The following SGCG variants were observed in gnomAD, a reference collection of about 807,000 sequenced individuals.
SGCG encodes the protein sarcoglycan gamma.
A neutral mutation model predicts 29.3 loss-of-function variants in SGCG; 26 were observed. That is an observed-to-expected ratio of 0.89 (90% CI 0.65 to 1.23). SGCG has a LOEUF of 1.23. SGCG is among the 50% of genes most tolerant of loss of function. SGCG has a pLI of 0.00. For synonymous variants in SGCG, 145 were observed against 129.7 expected, an observed-to-expected ratio of 1.12 and a Z score of -0.80; for missense variants, 353 against 356.0, an observed-to-expected ratio of 0.99 and a Z score of 0.07.
chr13:23,256,414 A>G (rs951121161), intron 4 of SGCG, among the ~76,000 whole-genome samples: 1 of 152,214 alleles, frequency 6.6e-6, no homozygotes, highest in South Asian at 2.1e-4. Context: ...TTTCTAGGGT[A>G]CATGTGCAAA....
At chr13:23,195,567 G>A (rs1877462674) in intron 1 of SGCG, among the ~76,000 whole-genome samples, 1 of 151,788 alleles carries the variant, frequency 6.6e-6, no homozygotes, top group African/African-American at 2.4e-5. Context: ...TATTCTGTTG[G>A]TTTGGTGTAT....
At chr13:23,258,485 A>G (rs1051532281) in intron 4 of SGCG, among the ~76,000 whole-genome samples, 47 of 152,298 alleles carry the variant, frequency 3.1e-4, no homozygotes, top group Non-Finnish European at 5.9e-4. Flanking sequence ...CAATCATGTC[A>G]TCTGCAAATA....
At chr13:23,282,280 ACT>A (rs1422566164) in intron 5 of SGCG, among the ~76,000 whole-genome samples, 2 of 152,116 alleles carry the variant, frequency 1.3e-5, no homozygotes, top group Non-Finnish European at 2.9e-5. Context: ...CCAAGGTCTG[ACT>A]CTCTAAACAT....
intron 6 of SGCG, among the ~76,000 whole-genome samples, chr13:23,305,568 G>C (rs1882333983): frequency 6.6e-6 from 1 of 152,204 alleles, no homozygotes; most frequent in Non-Finnish European, 1.5e-5. Flanking sequence ...ATGTGAGAAA[G>C]AAATGGAGAT....
chr13:23,322,939 A>G (rs996561725), intron 7 of SGCG, among the ~76,000 whole-genome samples: 1 of 152,096 alleles, frequency 6.6e-6, no homozygotes, highest in Non-Finnish European at 1.5e-5. Context: ...CAAATAGGGA[A>G]TATAATATTT....
rs1394135402 is a variant in SGCG, at chr13:23,181,080, G to A, written c.-1+5G>A. ...GTGCTTTTCTTAATATCTAAGGTAA[G>A]TGCTCAGTTTTAACTTAGATTTTAT... On this transcript the variant is annotated splice_donor_5th_base_variant and intron_variant, in intron 1 of 7. Transcript: ENST00000218867. 1.3e-5 allele frequency: 2 copies of A among 152,136 alleles called. No individual in the cohort carries two copies. The highest frequency in any genetic ancestry group is 2.9e-5 in the Non-Finnish European group (2 of 68,028). 9.4% of individuals were successfully genotyped at this position (152,136 alleles called of 1,614,324 possible).
chr13:23,220,742 C>T (rs4238163), intron 2 of SGCG, among the ~76,000 whole-genome samples: 117,030 of 151,778 alleles, frequency 0.77, 45,299 homozygotes, highest in East Asian at 0.92. Context: ...GTCCAGTCTT[C>T]TGAATGATTC....
At chr13:23,185,882 G>A (rs1277320877) in intron 1 of SGCG, among the ~76,000 whole-genome samples, 1 of 152,214 alleles carries the variant, frequency 6.6e-6, no homozygotes, top group Non-Finnish European at 1.5e-5. Flanking sequence ...TCTGAAGGGT[G>A]ATGGGCGTGA....
intron 4 of SGCG, among the ~76,000 whole-genome samples, chr13:23,254,192 CAG>C (rs368391995): frequency 5.1e-4 from 77 of 152,228 alleles, no homozygotes; most frequent in African/African-American, 1.8e-3. Context: ...AGGAAGATGA[CAG>C]AAAGTTTGGG....
intron 3 of SGCG, 70 bp downstream of exon 3, chr13:23,234,782 G>C: frequency 9.6e-7 from 1 of 1,040,818 alleles, no homozygotes; most frequent in Non-Finnish European, 1.5e-6. Context: ...CAAAAATTCA[G>C]TACAGTTTAG....
intron 4 of SGCG, among the ~76,000 whole-genome samples, chr13:23,270,308 G>A (rs574351649): frequency 3.3e-5 from 5 of 152,254 alleles, no homozygotes; most frequent in Non-Finnish European, 5.9e-5. Context: ...TCCCAGCGGC[G>A]GTGTAGGAGA....
At chr13:23,286,015 A>T (rs1321130455) in intron 5 of SGCG, among the ~76,000 whole-genome samples, 2 of 152,184 alleles carry the variant, frequency 1.3e-5, no homozygotes, top group Non-Finnish European at 2.9e-5. Context: ...CTTCTGCATT[A>T]ATCTCGCTGG....
At chr13:23,269,223 T>C (rs908606482) in intron 4 of SGCG, 7 of 152,310 alleles carry the variant, frequency 4.6e-5, no homozygotes, top group Admixed American at 2.0e-4. Flanking sequence ...TATTAGTCAA[T>C]AGTCAATCCA....
At chr13:23,203,227 G>A (rs1877837830) in intron 1 of SGCG, among the ~76,000 whole-genome samples, 1 of 152,170 alleles carries the variant, frequency 6.6e-6, no homozygotes, top group South Asian at 2.1e-4. Flanking sequence ...CCAAAGTGCT[G>A]GAATTACAGG....
At chr13:23,318,118 C>T (rs1882893794) in intron 6 of SGCG, among the ~76,000 whole-genome samples, 1 of 152,186 alleles carries the variant, frequency 6.6e-6, no homozygotes, top group Non-Finnish European at 1.5e-5. Context: ...GCTCCTTAAG[C>T]TTTCAGACAG....
rs141669762 is a variant in SGCG at position 23,279,595 on chromosome 13, GTTGCATTTTCTCCA to G, written c.505+126_505+139del. 0.09 allele frequency: 93,349 copies of G among 1,041,774 alleles called. 4,676 individuals carry two copies. Among genetic ancestry groups the G allele is most frequent in the Admixed American group, 0.12 (6,092 of 49,614 alleles). 64.5% of individuals were successfully genotyped at this position (1,041,774 alleles called of 1,614,324 possible). A position where few individuals can be genotyped will look rare whatever the true frequency, so the allele number is the denominator to read the frequency against. On this transcript the variant is annotated intron_variant, in intron 5 of 7. Coordinates refer to ENST00000218867, the MANE Select transcript of SGCG (RefSeq NM_000231.3). ...CAAGCAGATAAGAGAGTTTGAATGT[GTTGCATTTTCTCCA>G]TTGCATTTCTGTTGAACTCCCTCGA...
chr13:23,279,607 C>G (rs1881224787), intron 5 of SGCG, 129 bp downstream of exon 5: 7 of 762,972 alleles, frequency 9.2e-6, no homozygotes, highest in Non-Finnish European at 1.4e-5. Flanking sequence ...TGCATTTTCT[C>G]CATTGCATTT....
chr13:23,297,848 G>A (rs368713416), intron 6 of SGCG, among the ~76,000 whole-genome samples: 17 of 151,640 alleles, frequency 1.1e-4, no homozygotes, highest in African/African-American at 2.4e-4. Context: ...GGATTCAAGC[G>A]ATTCTCCTGC....
At chr13:23,189,366 G>A (rs565451582) in intron 1 of SGCG, among the ~76,000 whole-genome samples, 2 of 152,276 alleles carry the variant, frequency 1.3e-5, no homozygotes, top group South Asian at 2.1e-4. Flanking sequence ...TAGTAGAGAT[G>A]GGGCTTCACT....
Sources: gnomAD v4.1 joint callset for allele counts (sites outside exome capture counted in the v4.1 genomes callset) on GRCh38, gnomAD v4.1.1 for gene constraint, MANE v1.5 for transcripts, NCBI Gene and HGNC (gene_info 2026-07-23, HGNC 2026-07-21) for gene names.